Variants in NCOA6 observed in about 807,000 individuals in gnomAD.
NCOA6 encodes the protein NRC RAP250.
Under a neutral mutation model 171.4 loss-of-function variants are expected in NCOA6, and 49 were observed. That is an observed-to-expected ratio of 0.29 (90% confidence interval 0.23 to 0.36). NCOA6 has a LOEUF of 0.36. Among genes scored for constraint, NCOA6 ranks in the 10% least tolerant of loss-of-function variants. The probability of loss-of-function intolerance (pLI) is 1.00; values close to 1 mark genes in which losing one functional copy is unlikely to be tolerated. For synonymous variants in NCOA6, 910 were observed against 927.5 expected, an observed-to-expected ratio of 0.98 and a Z score of 0.34; for missense variants, 2,248 against 2,554.5, an observed-to-expected ratio of 0.88 and a Z score of 2.59.
intron 3 of NCOA6, among the ~76,000 whole-genome samples, chr20:34,781,203 C>T (rs1012481398): frequency 6.6e-6 from 1 of 152,140 alleles, no homozygotes; most frequent in African/African-American, 2.4e-5. Flanking sequence ...AAAACAACAG[C>T]TTCCGTCCAG....
intron 4 of NCOA6, among the ~76,000 whole-genome samples, chr20:34,768,854 G>A (rs2077055908): frequency 6.6e-6 from 1 of 152,060 alleles, no homozygotes; most frequent in Non-Finnish European, 1.5e-5. Flanking sequence ...CAGAGATCCT[G>A]GAACTCTGAA....
At position 34,814,821 on chromosome 20, in the gene NCOA6, A is replaced by G. The variant is rs1482592007; in HGVS notation, c.-164+10651T>C. Among the ~76,000 whole-genome samples the G allele has an allele frequency of 7.2e-5, 11 of 152,100 alleles. No homozygotes were observed. In the East Asian group the frequency reaches 2.1e-3, roughly 29 times the overall value. ...TGGCCAGGCTGGTCACGAACTCCTA[A>G]CCTCAGGTGATCCACCCGCCTTGGC... On this transcript the variant is annotated intron_variant, in intron 1 of 14. Transcript: ENST00000359003.
chr20:34,816,084 A>C (rs1308624746), intron 1 of NCOA6, among the ~76,000 whole-genome samples: 1 of 152,048 alleles, frequency 6.6e-6, no homozygotes, highest in African/African-American at 2.4e-5. Flanking sequence ...AGCAAATCAG[A>C]CTTCTCACTA....
intron 5 of NCOA6, among the ~76,000 whole-genome samples, chr20:34,760,166 A>C (rs1051007645): frequency 6.6e-6 from 1 of 152,176 alleles, no homozygotes; most frequent in Non-Finnish European, 1.5e-5. Context: ...ATTCCTAGCT[A>C]TTTAGGAAGC....
chr20:34,718,975 C>T (rs1387852766), intron 14 of NCOA6, among the ~76,000 whole-genome samples: 1 of 152,180 alleles, frequency 6.6e-6, no homozygotes, highest in Non-Finnish European at 1.5e-5. Context: ...ATTAGTGTCT[C>T]TTAACAGATA....
intron 1 of NCOA6, among the ~76,000 whole-genome samples, chr20:34,815,146 A>G (rs2078791723): frequency 6.6e-6 from 1 of 151,858 alleles, no homozygotes; most frequent in Admixed American, 6.6e-5. Flanking sequence ...TTGGGAGGCA[A>G]GAGTATCGCT....
intron 4 of NCOA6, among the ~76,000 whole-genome samples, chr20:34,769,459 G>C (rs888472630): frequency 6.6e-6 from 1 of 151,116 alleles, no homozygotes; most frequent in African/African-American, 2.5e-5. Flanking sequence ...CATCTCCTGG[G>C]TTCAAGGGAT....
intron 12 of NCOA6, among the ~76,000 whole-genome samples, chr20:34,734,830 G>A (rs1445554833): frequency 6.6e-6 from 1 of 151,700 alleles, no homozygotes; most frequent in Non-Finnish European, 1.5e-5. Flanking sequence ...TTTTGTATTT[G>A]TAGTTTGGGG....
intron 5 of NCOA6, among the ~76,000 whole-genome samples, chr20:34,764,245 A>G (rs1419242096): frequency 6.6e-6 from 1 of 151,800 alleles, no homozygotes; most frequent in African/African-American, 2.4e-5. Flanking sequence ...CCGCCACCAC[A>G]CCCGGCTAAT....
rs945881533 is a variant in NCOA6, at chr20:34,800,982, AT to A, written c.-163-8420del. Among the ~76,000 whole-genome samples, 46 of 152,266 alleles carry A rather than the reference AT, an allele frequency of 3.0e-4. 1 individual carries two copies. The highest frequency in any genetic ancestry group is 1.1e-3 in the Admixed American group (17 of 15,292). On this transcript the variant is annotated intron_variant, in intron 1 of 14. Coordinates refer to ENST00000359003, the MANE Select transcript of NCOA6 (RefSeq NM_014071.5). ...GTTAGGCTACAAAACAAGTATTAAA[AT>A]TTTTTTTAATTGAAATAACATCAAG...
chr20:34,803,034 C>T (rs2078308732), intron 1 of NCOA6, among the ~76,000 whole-genome samples: 1 of 151,918 alleles, frequency 6.6e-6, no homozygotes, highest in Non-Finnish European at 1.5e-5. Flanking sequence ...TGGTTTCCAA[C>T]TCCTGGGCTC....
chr20:34,775,174 G>C (rs2077270230), intron 4 of NCOA6, among the ~76,000 whole-genome samples: 1 of 152,142 alleles, frequency 6.6e-6, no homozygotes, highest in Non-Finnish European at 1.5e-5. Context: ...ACAAGATAAG[G>C]CTGGATGAGG....
chr20:34,740,877 A>C lies in NCOA6; in HGVS notation c.5379T>G (p.Val1793=). 6.2e-7 allele frequency: 1 copy of C among 1,614,196 alleles called. No individual in the cohort carries two copies. The highest frequency in any genetic ancestry group is 1.1e-5 in the South Asian group (1 of 91,078). ...CTGGACTATTGGTCAAAAGGGGAGA[A>C]ACCATTGTGGTTGACTGTGAAGAGG... ...TLPSSQSTTM[V]SPLLTNSPGS... is the part of the protein sequence containing the mutation. The change falls in exon 11 of 15, where the codon GTT becomes GTG. Residue 1793 remains valine (V), a synonymous_variant. Coordinates refer to ENST00000359003, the MANE Select transcript of NCOA6 (RefSeq NM_014071.5).
intron 3 of NCOA6, among the ~76,000 whole-genome samples, chr20:34,778,513 TGCCTCCCGGCTTCAA>T (rs1174534166): frequency 6.6e-6 from 1 of 150,470 alleles, no homozygotes; most frequent in Non-Finnish European, 1.5e-5. Flanking sequence ...CTGCAACCTC[TGCCTCCCGGCTTCAA>T]GCAATTCTCC....
chr20:34,797,660 G>A (rs1406221978), intron 1 of NCOA6, among the ~76,000 whole-genome samples: 1 of 151,892 alleles, frequency 6.6e-6, no homozygotes, highest in East Asian at 1.9e-4. Context: ...GGCCGAGGTG[G>A]GTAGATCACC....
intron 1 of NCOA6, chr20:34,819,526 GAA>G (rs2078940107): frequency 6.6e-6 from 1 of 152,196 alleles, no homozygotes; most frequent in Admixed American, 6.6e-5. Flanking sequence ...GATGGCGTGA[GAA>G]GAGTTCTATC....
chr20:34,818,288 A>G (rs1218812570), intron 1 of NCOA6, among the ~76,000 whole-genome samples: 1 of 152,208 alleles, frequency 6.6e-6, no homozygotes, highest in Non-Finnish European at 1.5e-5. Context: ...CAGGAATTAA[A>G]GACTGCAATG....
intron 1 of NCOA6, among the ~76,000 whole-genome samples, chr20:34,804,816 C>A (rs999385740): frequency 2.6e-5 from 4 of 152,126 alleles, no homozygotes; most frequent in African/African-American, 9.6e-5. Flanking sequence ...ACATCCATCA[C>A]CTCATTTATT....
intron 7 of NCOA6, among the ~76,000 whole-genome samples, chr20:34,756,289 A>C (rs1020055484): frequency 3.9e-5 from 6 of 152,230 alleles, no homozygotes; most frequent in Non-Finnish European, 7.3e-5. Context: ...TAGAGCCTGC[A>C]TGTCAGCAAA....
Sources: allele counts gnomAD v4.1 joint callset (sites outside exome capture counted in the v4.1 genomes callset), GRCh38; gene constraint gnomAD v4.1.1; transcripts MANE v1.5; gene names NCBI Gene and HGNC (gene_info 2026-07-23, HGNC 2026-07-21).